The following ANKRD27 variants were observed in gnomAD, a reference collection of about 807,000 sequenced individuals.
ANKRD27 encodes ankyrin repeat domain 27, also known as ankyrin repeat domain-containing protein 27.
ANKRD27 carries 112 observed loss-of-function variants against 129.7 expected under a neutral mutation model. The observed-to-expected ratio is 0.86, with a 90% CI of 0.74 to 1.01. The LOEUF is 1.01. ANKRD27 is among the 50% of genes least tolerant of loss of function. ANKRD27 has a pLI of 0.00. For synonymous variants in ANKRD27, 516 were observed against 511.2 expected (o/e 1.01, Z -0.13); for missense variants, 1,258 against 1,300.5 (o/e 0.97, Z 0.50).
At chr19:32,669,079 T>C (rs1967816678) in intron 1 of ANKRD27, among the ~76,000 whole-genome samples, 1 of 152,176 alleles carries the variant, frequency 6.6e-6, no homozygotes, top group East Asian at 1.9e-4. Flanking sequence ...CTCACAGCGC[T>C]GGGATTACAG....
At chr19:32,631,684 G>A (rs988774954) in intron 12 of ANKRD27, among the ~76,000 whole-genome samples, 190 bp from the exon 13 acceptor site, 2 of 152,230 alleles carry the variant, frequency 1.3e-5, no homozygotes, top group African/African-American at 2.4e-5. Context: ...CCTGGAAGTG[G>A]AGGCTTTGAC....
At chr19:32,636,651 G>A (rs564950281) in intron 12 of ANKRD27, among the ~76,000 whole-genome samples, 1 of 151,484 alleles carries the variant, frequency 6.6e-6, no homozygotes, top group Admixed American at 6.6e-5. Flanking sequence ...TTATTTGTAA[G>A]CAAATATTAG....
chr19:32,605,068 G>A (rs554604042), intron 24 of ANKRD27, among the ~76,000 whole-genome samples: 11 of 151,996 alleles, frequency 7.2e-5, no homozygotes, highest in Non-Finnish European at 1.2e-4. Context: ...ACTCCATCTC[G>A]GAAAAAGAGA....
At chr19:32,600,096 A>T in intron 26 of ANKRD27, 46 bp from the exon 27 acceptor site, 1 of 1,360,390 alleles carries the variant, frequency 7.4e-7, no homozygotes, top group Non-Finnish European at 1.0e-6. Context: ...AAACAGTTGT[A>T]AAGATTATTT....
intron 1 of ANKRD27, among the ~76,000 whole-genome samples, chr19:32,666,676 A>G (rs541943988): frequency 1.9e-3 from 232 of 124,468 alleles, no homozygotes; most frequent in African/African-American, 7.3e-3. Context: ...ACAGAGTCTC[A>G]CTCTGTTGCC....
intron 13 of ANKRD27, among the ~76,000 whole-genome samples, chr19:32,630,469 C>T (rs984041685): frequency 1.3e-5 from 2 of 152,256 alleles, no homozygotes; most frequent in Admixed American, 6.5e-5. Context: ...CATCTGACAA[C>T]GGGCTCCTCG....
chr19:32,621,768 G>C (rs577591204), intron 18 of ANKRD27, among the ~76,000 whole-genome samples: 60 of 152,254 alleles, frequency 3.9e-4, no homozygotes, highest in African/African-American at 1.4e-3. Flanking sequence ...GTCCATGCTG[G>C]GGTCTCCATT....
intron 24 of ANKRD27, 92 bp from the exon 25 acceptor site, chr19:32,604,516 A>AT: frequency 7.9e-7 from 1 of 1,263,074 alleles, no homozygotes; most frequent in East Asian, 2.6e-5. Context: ...TATAAAACAC[A>AT]TTGTTTTTTT....
intron 14 of ANKRD27, 108 bp downstream of exon 14, chr19:32,628,614 G>T: frequency 4.3e-6 from 6 of 1,395,472 alleles, no homozygotes; most frequent in Admixed American, 1.9e-5. Flanking sequence ...CAGCTGGGGG[G>T]CAGGGAGGAC....
intron 22 of ANKRD27, among the ~76,000 whole-genome samples, chr19:32,611,756 T>C (rs1377048913): frequency 6.6e-6 from 1 of 152,166 alleles, no homozygotes; most frequent in Admixed American, 6.5e-5. Flanking sequence ...TAATTTTGTA[T>C]TTTTAGTAGG....
intron 10 of ANKRD27, among the ~76,000 whole-genome samples, chr19:32,641,018 C>T (rs534813566): frequency 6.6e-6 from 1 of 152,232 alleles, no homozygotes; most frequent in East Asian, 1.9e-4. Flanking sequence ...CCTGCCTCAG[C>T]CTCCTGAGCA....
chr19:32,661,578 T>A (rs1444932789), intron 1 of ANKRD27, among the ~76,000 whole-genome samples: 1 of 151,994 alleles, frequency 6.6e-6, no homozygotes, highest in Non-Finnish European at 1.5e-5. Context: ...CCTGGCCTGA[T>A]GCAATCCTCC....
rs1971977965 is a variant in ANKRD27, at chr19:32,619,626, A to ACGCC, written c.1828-77_1828-74dup. Reference sequence around the variant, plus strand: ...GTCTCAGCACAGTGCCATCACCCACACGCCCCACTGCCGGCCTAGCTCCTC... The same window carrying ACGCC: ...GTCTCAGCACAGTGCCATCACCCACACGCCCGCCCCACTGCCGGCCTAGCTCCTC... On this transcript the variant is annotated intron_variant, in intron 18 of 28. Coordinates refer to ENST00000306065, the MANE Select transcript of ANKRD27 (RefSeq NM_032139.3). 5 of 1,558,206 alleles carry ACGCC rather than the reference A, an allele frequency of 3.2e-6. No homozygotes were observed. The East Asian group carries it at 1.1e-4, about 35-fold the overall frequency.
At chr19:32,633,231 G>T (rs1158584203) in intron 12 of ANKRD27, among the ~76,000 whole-genome samples, 1 of 152,050 alleles carries the variant, frequency 6.6e-6, no homozygotes, top group Non-Finnish European at 1.5e-5. Flanking sequence ...TAAAGAAATG[G>T]GTAAATCCTT....
intron 26 of ANKRD27, among the ~76,000 whole-genome samples, chr19:32,600,803 A>G (rs1309136138): frequency 3.9e-5 from 6 of 152,080 alleles, no homozygotes; most frequent in Admixed American, 2.6e-4. Flanking sequence ...GGTTATCGAG[A>G]TATGTGAATG....
chr19:32,613,135 T>C (rs1011972786), intron 22 of ANKRD27, among the ~76,000 whole-genome samples: 1 of 152,178 alleles, frequency 6.6e-6, no homozygotes, highest in Non-Finnish European at 1.5e-5. Flanking sequence ...GACATTTCAC[T>C]GAAGAACATA....
chr19:32,653,254 A>T (rs1366896364), intron 2 of ANKRD27, among the ~76,000 whole-genome samples: 1 of 152,170 alleles, frequency 6.6e-6, no homozygotes, highest in Admixed American at 6.6e-5. Context: ...CTTAGCTCGG[A>T]TGAAAGTTAG....
intron 10 of ANKRD27, among the ~76,000 whole-genome samples, chr19:32,641,408 C>T (rs1185694401): frequency 6.6e-6 from 1 of 152,148 alleles, no homozygotes; most frequent in East Asian, 1.9e-4. Flanking sequence ...ATGGAGTCCA[C>T]TGCCCATGTG....
In ANKRD27 at chr19:32,602,002, C is replaced by T. The variant is rs749719755; in HGVS notation, c.2767+13G>A. On this transcript the variant is annotated intron_variant, in intron 26 of 28. Transcript: ENST00000306065. ...CCCAACTTGAGCGTGACAGAAAGAA[C>T]GTAAACTCTTACATTTTTTCCTGAT... 3.1e-5 allele frequency: 48 copies of T among 1,562,314 alleles called. No homozygotes were observed. Among genetic ancestry groups the T allele is most frequent in the African/African-American group, 5.4e-5 (4 of 73,784 alleles).
Sources: gnomAD v4.1 joint callset for allele counts (sites outside exome capture counted in the v4.1 genomes callset) on GRCh38, gnomAD v4.1.1 for gene constraint, MANE v1.5 for transcripts, NCBI Gene and HGNC (gene_info 2026-07-23, HGNC 2026-07-21) for gene names.